CADM2: variants seen among roughly 807,000 people sequenced by gnomAD.
CADM2 encodes the protein immunoglobulin superfamily member 4D.
In CADM2, 12 loss-of-function variants were observed where a neutral mutation model predicts 49.8. The ratio of observed to expected loss-of-function variants is 0.24; its 90% CI spans 0.15 to 0.39. The LOEUF is 0.39. Ranked by LOEUF, CADM2 falls within the 10% of genes least tolerant of loss-of-function variation. The pLI, the probability that CADM2 is intolerant of heterozygous loss-of-function variation, is 1.00. For synonymous variants in CADM2, 214 were observed against 175.4 expected (o/e 1.22, Z -1.74); for missense variants, 378 against 492.3 (o/e 0.77, Z 2.20).
intron 1 of CADM2, among the ~76,000 whole-genome samples, chr3:85,485,455 A>G (rs1442086708): frequency 1.3e-5 from 2 of 151,990 alleles, no homozygotes; most frequent in Non-Finnish European, 2.9e-5. Flanking sequence ...TTCCTTAAAG[A>G]ATACCAGCAG....
intron 2 of CADM2, among the ~76,000 whole-genome samples, chr3:85,778,518 G>A (rs1277857607): frequency 6.6e-6 from 1 of 151,952 alleles, no homozygotes; most frequent in Non-Finnish European, 1.5e-5. Flanking sequence ...ATAAACATTT[G>A]GCATTTCCCC....
At chr3:85,311,398 C>G (rs1040101834) in intron 1 of CADM2, among the ~76,000 whole-genome samples, 4 of 147,560 alleles carry the variant, frequency 2.7e-5, no homozygotes, top group Admixed American at 6.8e-5. Flanking sequence ...TTTTTTGAAA[C>G]GGAGTCTCGC....
At chr3:85,277,806 A>C (rs1490556740) in intron 1 of CADM2, among the ~76,000 whole-genome samples, 1 of 150,102 alleles carries the variant, frequency 6.7e-6, no homozygotes, top group Non-Finnish European at 1.5e-5. Context: ...AAAATATAGA[A>C]TAAAAAAGTT....
chr3:85,341,992 A>G (rs765752175), intron 1 of CADM2, among the ~76,000 whole-genome samples: 1 of 152,198 alleles, frequency 6.6e-6, no homozygotes, highest in African/African-American at 2.4e-5. Flanking sequence ...CAATGGCAAC[A>G]AAAGCCAAAA....
chr3:85,522,633 T>C (rs1164450605), intron 1 of CADM2, among the ~76,000 whole-genome samples: 1 of 152,116 alleles, frequency 6.6e-6, no homozygotes, highest in African/African-American at 2.4e-5. Context: ...TTAACTGTTT[T>C]TGGATCCCAT....
At chr3:85,219,777 A>G (rs1463977179) in intron 1 of CADM2, among the ~76,000 whole-genome samples, 2 of 152,142 alleles carry the variant, frequency 1.3e-5, no homozygotes, top group Non-Finnish European at 2.9e-5. Flanking sequence ...TTTCCATTTG[A>G]AAAAAACATT....
chr3:85,782,641 A>T, intron 2 of CADM2, among the ~76,000 whole-genome samples: 1 of 150,830 alleles, frequency 6.6e-6, no homozygotes, highest in East Asian at 1.9e-4. Context: ...GGGCGACAGA[A>T]TGAGACTCAG....
chr3:85,364,205 G>GT (rs2032576807), intron 1 of CADM2, among the ~76,000 whole-genome samples: 1 of 152,072 alleles, frequency 6.6e-6, no homozygotes, highest in Non-Finnish European at 1.5e-5. Context: ...GTTTTTAAGA[G>GT]TATCTACTCC....
intron 1 of CADM2, among the ~76,000 whole-genome samples, chr3:85,269,065 T>C (rs1308385165): frequency 2.6e-5 from 4 of 151,274 alleles, no homozygotes; most frequent in Non-Finnish European, 5.9e-5. Context: ...TAAAATAAAA[T>C]AAATTGTTGC....
At chr3:85,463,670 T>C (rs543299617) in intron 1 of CADM2, among the ~76,000 whole-genome samples, 328 of 152,314 alleles carry the variant, frequency 2.2e-3, no homozygotes, top group Non-Finnish European at 3.6e-3. Flanking sequence ...TGCATAGATA[T>C]GTTCTTTGAC....
intron 1 of CADM2, among the ~76,000 whole-genome samples, chr3:85,672,057 A>G (rs1000420677): frequency 1.3e-5 from 2 of 152,198 alleles, no homozygotes; most frequent in Non-Finnish European, 2.9e-5. Context: ...ATAAATATTT[A>G]TTAAATGAAT....
At chr3:85,042,772 G>C (rs532551734) in intron 1 of CADM2, among the ~76,000 whole-genome samples, 1 of 152,094 alleles carries the variant, frequency 6.6e-6, no homozygotes, top group African/African-American at 2.4e-5. Context: ...TGTAAGAAAG[G>C]TATTATAAAA....
intron 6 of CADM2, among the ~76,000 whole-genome samples, chr3:85,917,010 G>C (rs941989126): frequency 2.0e-5 from 3 of 151,944 alleles, no homozygotes; most frequent in African/African-American, 7.2e-5. Flanking sequence ...CCCACTTTTT[G>C]ATGGGGTTTT....
At chr3:85,659,053 AAATAATAAT>A (rs71112106) in intron 1 of CADM2, among the ~76,000 whole-genome samples, 5 of 140,060 alleles carry the variant, frequency 3.6e-5, no homozygotes, top group Middle Eastern at 3.7e-3. Flanking sequence ...CTCTGTCTCT[AAATAATAAT>A]AATAATAATA....
chr3:85,644,349 TCTTAATACCTC>T (rs1302962544), intron 1 of CADM2, among the ~76,000 whole-genome samples: 1 of 152,128 alleles, frequency 6.6e-6, no homozygotes, highest in Non-Finnish European at 1.5e-5. Context: ...CTCATTATAT[TCTTAATACCTC>T]CTTATAGGCC....
At chr3:85,977,515 A>G (rs1311625355) in intron 8 of CADM2, among the ~76,000 whole-genome samples, 1 of 151,624 alleles carries the variant, frequency 6.6e-6, no homozygotes, top group Non-Finnish European at 1.5e-5. Flanking sequence ...TCTATTTTAG[A>G]TAAGTATAAA....
intron 1 of CADM2, among the ~76,000 whole-genome samples, chr3:85,336,603 A>T (rs1474733475): frequency 6.6e-6 from 1 of 151,088 alleles, no homozygotes; most frequent in Non-Finnish European, 1.5e-5. Flanking sequence ...ATTTGGACTA[A>T]TAGTCAACTA....
chr3:86,034,990 C>T (rs1261914056), intron 8 of CADM2, among the ~76,000 whole-genome samples: 1 of 151,988 alleles, frequency 6.6e-6, no homozygotes. Context: ...AATGTTCTCC[C>T]TGCCTCAAAG....
intron 7 of CADM2, 139 bp from the exon 8 acceptor site, chr3:85,961,330 G>A (rs946649471): frequency 3.6e-5 from 22 of 617,504 alleles, no homozygotes; most frequent in Non-Finnish European, 2.7e-6. Context: ...GTGTGTGATG[G>A]TCCTTTTGGT....
Sources: allele counts gnomAD v4.1 joint callset (sites outside exome capture counted in the v4.1 genomes callset), GRCh38; gene constraint gnomAD v4.1.1; transcripts MANE v1.5; gene names NCBI Gene and HGNC (gene_info 2026-07-23, HGNC 2026-07-21).